Variants in ZNF628 observed in about 807,000 individuals in gnomAD.
ZNF628 encodes the protein zinc finger protein Zec.
ZNF628 carries 3 observed loss-of-function variants against 2.5 expected under a neutral mutation model. The observed-to-expected ratio is 1.19, with a 90% CI of 0.54 to 3.07. ZNF628 has a LOEUF of 3.07. Ranked by LOEUF, ZNF628 falls within the 30% of genes most tolerant of loss-of-function variation. ZNF628 has a pLI of 0.03. For synonymous variants in ZNF628, 861 were observed against 717.1 expected (o/e 1.20, Z -3.21); for missense variants, 1,610 against 1,517.1 (o/e 1.06, Z -1.02).
chr19:55,482,498 T>TGCCGCCCCCGTCCCGCC lies in ZNF628; in HGVS notation c.1309_1325dup (p.Ala446ArgfsTer202). 3 of 1,448,520 alleles carry TGCCGCCCCCGTCCCGCC rather than the reference T, an allele frequency of 2.1e-6. No individual in the cohort carries two copies. The highest frequency in any genetic ancestry group is 2.7e-6 in the Non-Finnish European group (3 of 1,104,538). The allele number at this position is 1,448,520 out of a possible 1,614,324, so 89.7% of individuals were successfully genotyped here. ...CCTGCCCCCAGGAACCGCTGGCGCCTGCCGCCCCCGTCCCGCCGCCACCCC... is the reference window on the plus strand; with the variant it reads ...CCTGCCCCCAGGAACCGCTGGCGCCTGCCGCCCCCGTCCCGCCGCCGCCCCCGTCCCGCCGCCACCCC... On this transcript the variant is annotated frameshift_variant, in exon 3 of 3. Transcript: ENST00000598519. LOFTEE classifies it low-confidence loss of function (END_TRUNC).
At position 55,481,895 on chromosome 19, in the gene ZNF628, C is replaced by T. The variant is rs756658935; in HGVS notation, c.702C>T (p.Thr234=). ...ACGGCGCCGCCCCCGCCCCGGGTAC[C>T]GCCTCCGCGGCCCCGCCCCCCCAGT... is the stretch of plus-strand genomic sequence containing the variant. The part of the protein sequence containing the change: ...RTHGAAPAPG[T]ASAAPPPQSR... The change falls in exon 3 of 3, where the codon ACC becomes ACT. Residue 234 remains threonine (T), a synonymous_variant. Coordinates refer to ENST00000598519, the MANE Select transcript of ZNF628 (RefSeq NM_033113.3). 6 of 1,495,312 alleles carry T rather than the reference C, an allele frequency of 4.0e-6. No individual in the cohort carries two copies. The highest frequency in any genetic ancestry group is 5.3e-6 in the Non-Finnish European group (6 of 1,126,564). The allele number at this position is 1,495,312 out of a possible 1,614,324, so 92.6% of individuals were successfully genotyped here.
In ZNF628 at chr19:55,484,307, T is replaced by C; in HGVS notation, c.3114T>C (p.Pro1038=). Reference sequence around the variant, plus strand: ...GAGCTGGGCCTGGTGTTATGACCCCTCAGGGCCTGCCCTCCATCCAGATTG... The same window carrying C: ...GAGCTGGGCCTGGTGTTATGACCCCCCAGGGCCTGCCCTCCATCCAGATTG... ...PAGAGPGVMT[P]QGLPSIQIVQ... The change falls in exon 3 of 3, where the codon CCT becomes CCC. Residue 1038 remains proline (P), a synonymous_variant. Coordinates refer to ENST00000598519, the MANE Select transcript of ZNF628 (RefSeq NM_033113.3). The C allele has an allele frequency of 6.6e-7, 1 of 1,508,384 alleles. No homozygotes were observed. Among genetic ancestry groups the C allele is most frequent in the East Asian group, 2.5e-5 (1 of 40,464 alleles). The allele number at this position is 1,508,384 out of a possible 1,614,324, so 93.4% of individuals were successfully genotyped here. A position where few individuals can be genotyped will look rare whatever the true frequency, so the allele number is the denominator to read the frequency against.
Position 55,481,350 on chromosome 19 carries a change from C to T in ZNF628, c.157C>T (p.His53Tyr), listed in dbSNP as rs757941160. ...ATTCCGGTGGTCGTCCCGGCTCCTG[C>T]ACCACCAGCGCACGCACACAGGCGA... ...KSFRWSSRLLHHQRTHTGERP... is the reference protein window; with the variant it reads ...KSFRWSSRLLYHQRTHTGERP... Residue 53 changes from histidine (H) to tyrosine (Y), a missense_variant, in exon 3 of 3, where the codon CAC (histidine) becomes TAC (tyrosine). His to Tyr is a moderately conservative substitution (Grantham distance 83, BLOSUM62 2). Around this residue, in one of 5 missense-constraint regions of ZNF628, gnomAD observed 166 missense variants for 241.3 expected, o/e 0.69. Coordinates refer to ENST00000598519, the MANE Select transcript of ZNF628 (RefSeq NM_033113.3). The T allele has an allele frequency of 1.2e-6, 2 of 1,612,742 alleles. No individual in the cohort carries two copies. Among genetic ancestry groups the T allele is most frequent in the Middle Eastern group, 1.7e-4 (1 of 6,060 alleles).
chr19:55,483,902 C>G lies in ZNF628; in HGVS notation c.2709C>G (p.Gly903=). Residue 903 remains glycine (G), a synonymous_variant, in exon 3 of 3, where the codon GGC becomes GGG. Transcript: ENST00000598519. ...QSGAAEELLT[G]PGPGEAGDGE... is the part of the protein sequence containing the mutation. Reference sequence around the variant, plus strand: ...GGGCAGCTGAGGAGTTGCTCACTGGCCCGGGCCCCGGGGAGGCGGGGGATG... The same window carrying G: ...GGGCAGCTGAGGAGTTGCTCACTGGGCCGGGCCCCGGGGAGGCGGGGGATG... 6.3e-7 allele frequency: 1 copy of G among 1,592,152 alleles called. No individual in the cohort carries two copies. The highest frequency in any genetic ancestry group is 8.6e-7 in the Non-Finnish European group (1 of 1,168,216).
At position 55,482,213 on chromosome 19, in the gene ZNF628, C is replaced by G. The variant is rs1599899713; in HGVS notation, c.1020C>G (p.Ser340=). ...AEAPKADQPP[S]PLPQPPPPAA... is the part of the protein sequence containing the mutation. ...CGCCCAAGGCCGACCAGCCACCGTC[C>G]CCTCTGCCGCAGCCCCCTCCTCCCG... Residue 340 remains serine (S), a synonymous_variant, in exon 3 of 3, where the codon TCC becomes TCG. Transcript: ENST00000598519. The G allele has an allele frequency of 1.4e-6, 2 of 1,474,622 alleles. No individual in the cohort carries two copies. Among genetic ancestry groups the G allele is most frequent in the Non-Finnish European group, 1.8e-6 (2 of 1,119,604 alleles). 91.3% of individuals were successfully genotyped at this position (1,474,622 alleles called of 1,614,324 possible).
chr19:55,480,118 C>T (rs947835518), intron 2 of ZNF628, among the ~76,000 whole-genome samples: 4 of 151,854 alleles, frequency 2.6e-5, no homozygotes, highest in South Asian at 2.1e-4. Flanking sequence ...TGAAAGGGCG[C>T]GCTGGATGGT....
Position 55,483,312 on chromosome 19 carries a change from C to T in ZNF628, c.2119C>T (p.Pro707Ser). ...GGCCCCGAGCTTGGGGCCAGCAGCG[C>T]CCAACTCTCAGACGTTCCTCCTGGT... ...AQAPSLGPAA[P>S]NSQTFLLVQT... The change falls in exon 3 of 3, where the codon CCC becomes TCC. Residue 707 changes from proline to serine, a missense_variant. By Grantham distance (74) the Pro-to-Ser change is moderately conservative. Transcript: ENST00000598519. 1 of 1,529,564 alleles carries T rather than the reference C, an allele frequency of 6.5e-7. No individual in the cohort carries two copies. Among genetic ancestry groups the T allele is most frequent in the Non-Finnish European group, 8.8e-7 (1 of 1,141,194 alleles). The allele number at this position is 1,529,564 out of a possible 1,614,324, so 94.7% of individuals were successfully genotyped here. A position where few individuals can be genotyped will look rare whatever the true frequency, so the allele number is the denominator to read the frequency against.
At chr19:55,478,361 G>A (rs573076055) in intron 1 of ZNF628, among the ~76,000 whole-genome samples, 11 of 152,242 alleles carry the variant, frequency 7.2e-5, no homozygotes, top group Non-Finnish European at 1.6e-4. Context: ...AAGACTCGGA[G>A]GTGAAAGAGC....
Position 55,482,523 on chromosome 19 carries a change from C to T in ZNF628, c.1330C>T (p.Pro444Ser), listed in dbSNP as rs755879471. 9.3e-6 allele frequency: 14 copies of T among 1,505,770 alleles called. No individual in the cohort carries two copies. The highest frequency in any genetic ancestry group is 1.2e-5 in the Non-Finnish European group (14 of 1,132,458). The allele number at this position is 1,505,770 out of a possible 1,614,324, so 93.3% of individuals were successfully genotyped here. ...TGCCGCCCCCGTCCCGCCGCCACCC[C>T]CGTCCGCCCCCGCTTCTGCGGAGCG... ...APAAPVPPPP[P>S]SAPASAERPY... The change falls in exon 3 of 3, where the codon CCG becomes TCG. Residue 444 changes from proline (P) to serine (S), a missense_variant. This residue lies in a region of ZNF628 where 651 missense variants were observed against 575.6 expected (regional missense o/e 1.13). Transcript: ENST00000598519.
chr19:55,483,103 T>G lies in ZNF628; in HGVS notation c.1910T>G (p.Leu637Arg). The change falls in exon 3 of 3, where the codon CTG becomes CGG. Residue 637 changes from leucine (L) to arginine (R), a missense_variant. Transcript: ENST00000598519. ...CGRGFVMAAY[L>R]QRHLRTHAPA... ...CGCGGCTTCGTTATGGCCGCCTATC[T>G]GCAGCGGCACCTGAGGACGCACGCC... The G allele has an allele frequency of 6.2e-7, 1 of 1,604,478 alleles. No homozygotes were observed. Among genetic ancestry groups the G allele is most frequent in the African/African-American group, 1.3e-5 (1 of 75,006 alleles).
rs775570789 is a variant in ZNF628, at chr19:55,481,248, G to C, written c.55G>C (p.Glu19Gln). Residue 19 changes from glutamate (E) to glutamine (Q), a missense_variant, in exon 3 of 3, where the codon GAG becomes CAG. Coordinates refer to ENST00000598519, the MANE Select transcript of ZNF628 (RefSeq NM_033113.3). ...GGACATGGCGCCGGCCTCTACTGCGGAGGGGGCCGGGGAGAAGCCAGGCCC... is the reference window on the plus strand; with the variant it reads ...GGACATGGCGCCGGCCTCTACTGCGCAGGGGGCCGGGGAGAAGCCAGGCCC... ...HADMAPASTA[E>Q]GAGEKPGPAA... 48 of 1,581,570 alleles carry C rather than the reference G, an allele frequency of 3.0e-5. No individual in the cohort carries two copies. Among genetic ancestry groups the C allele is most frequent in the Non-Finnish European group, 3.7e-5 (43 of 1,166,564 alleles).
At chr19:55,480,058 C>A in intron 2 of ZNF628, 141 bp downstream of exon 2, 1 of 394,750 alleles carries the variant, frequency 2.5e-6, no homozygotes, top group East Asian at 3.6e-5. Flanking sequence ...TGGCCACCTG[C>A]AGCGTTTGTG....
rs1986851524 is a variant in ZNF628 at position 55,484,367 on chromosome 19, G to A, written c.3174G>A (p.Thr1058=). The change falls in exon 3 of 3, where the codon ACG becomes ACA. Residue 1058 remains threonine, a synonymous_variant. Transcript: ENST00000598519. ...QTLPAVQLVH[T]F Reference sequence around the variant, plus strand: ...TACCCGCAGTCCAGCTGGTGCACACGTTTTGAGGAGAGGCAGTGATTCCCC... The same window carrying A: ...TACCCGCAGTCCAGCTGGTGCACACATTTTGAGGAGAGGCAGTGATTCCCC... The A allele has an allele frequency of 1.5e-5, 21 of 1,446,990 alleles. No homozygotes were observed. Among genetic ancestry groups the A allele is most frequent in the Non-Finnish European group, 1.8e-5 (20 of 1,096,858 alleles). The allele number at this position is 1,446,990 out of a possible 1,614,324, so 89.6% of individuals were successfully genotyped here.
In ZNF628 at chr19:55,484,347, G is replaced by C; in HGVS notation, c.3154G>C (p.Ala1052Pro). ...PSIQIVQTLP[A>P]VQLVHTF ...CATCCAGATTGTCCAGACTCTACCCGCAGTCCAGCTGGTGCACACGTTTTG... is the reference window on the plus strand; with the variant it reads ...CATCCAGATTGTCCAGACTCTACCCCCAGTCCAGCTGGTGCACACGTTTTG... The change falls in exon 3 of 3, where the codon GCA becomes CCA. Residue 1052 changes from alanine to proline, a missense_variant. Ala to Pro is a conservative substitution (Grantham distance 27, BLOSUM62 -1). Transcript: ENST00000598519. 1 of 1,460,138 alleles carries C rather than the reference G, an allele frequency of 6.8e-7. No individual in the cohort carries two copies. Among genetic ancestry groups the C allele is most frequent in the Non-Finnish European group, 9.1e-7 (1 of 1,102,314 alleles). The allele number at this position is 1,460,138 out of a possible 1,614,324, so 90.4% of individuals were successfully genotyped here.
intron 1 of ZNF628, among the ~76,000 whole-genome samples, chr19:55,478,877 G>C (rs1288812399): frequency 6.6e-6 from 1 of 152,224 alleles, no homozygotes; most frequent in African/African-American, 2.4e-5. Context: ...GAAGCTATGG[G>C]TGGAGTAGAA....
chr19:55,483,632 G>T lies in ZNF628; in HGVS notation c.2439G>T (p.Gln813His), dbSNP rs1986815991. The T allele has an allele frequency of 3.1e-6, 5 of 1,613,626 alleles. No homozygotes were observed. The highest frequency in any genetic ancestry group is 4.2e-6 in the Non-Finnish European group (5 of 1,179,836). The stretch of plus-strand genomic sequence containing the variant: ...TGGGGGGTGGGGAGGCAGGGCCACA[G>T]GAAATGAGTGGGGTGCAGCTCCAGC... ...QNVGGGEAGP[Q>H]EMSGVQLQPL... The change falls in exon 3 of 3, where the codon CAG (glutamine) becomes CAT (histidine). Residue 813 changes from glutamine (Q) to histidine (H), a missense_variant. By Grantham distance (24) the Gln-to-His change is conservative. Transcript: ENST00000598519.
rs1432073057 is a variant in ZNF628, at chr19:55,483,336, G to T, written c.2143G>T (p.Val715Leu). The T allele has an allele frequency of 6.5e-7, 1 of 1,538,838 alleles. No individual in the cohort carries two copies. The highest frequency in any genetic ancestry group is 8.7e-7 in the Non-Finnish European group (1 of 1,144,732). ...GCCCAACTCTCAGACGTTCCTCCTGGTGCAAACTGCCCAGGGCCTCCAGCT... is the reference window on the plus strand; with the variant it reads ...GCCCAACTCTCAGACGTTCCTCCTGTTGCAAACTGCCCAGGGCCTCCAGCT... ...AAPNSQTFLL[V>L]QTAQGLQLIP... The change falls in exon 3 of 3, where the codon GTG becomes TTG. Residue 715 changes from valine (V) to leucine (L), a missense_variant. Physicochemically the swap from Val to Leu is conservative, Grantham distance 32. Around this residue, in one of 5 missense-constraint regions of ZNF628, gnomAD observed 712 missense variants for 603.6 expected, o/e 1.18. Transcript: ENST00000598519.
chr19:55,484,325 C>T lies in ZNF628; in HGVS notation c.3132C>T (p.Ile1044=). The change falls in exon 3 of 3, where the codon ATC becomes ATT. Residue 1044 remains isoleucine (I), a synonymous_variant. Coordinates refer to ENST00000598519, the MANE Select transcript of ZNF628 (RefSeq NM_033113.3). The part of the protein sequence containing the change: ...GVMTPQGLPS[I]QIVQTLPAVQ... ...TGACCCCTCAGGGCCTGCCCTCCAT[C>T]CAGATTGTCCAGACTCTACCCGCAG... 6.7e-7 allele frequency: 1 copy of T among 1,483,226 alleles called. No homozygotes were observed. The highest frequency in any genetic ancestry group is 2.5e-5 in the East Asian group (1 of 40,282). The allele number at this position is 1,483,226 out of a possible 1,614,324, so 91.9% of individuals were successfully genotyped here. A position where few individuals can be genotyped will look rare whatever the true frequency, so the allele number is the denominator to read the frequency against.
chr19:55,483,158 C>A lies in ZNF628; in HGVS notation c.1965C>A (p.Ala655=), dbSNP rs1251001105. 6.4e-7 allele frequency: 1 copy of A among 1,560,372 alleles called. No individual in the cohort carries two copies. Among genetic ancestry groups the A allele is most frequent in the Non-Finnish European group, 8.6e-7 (1 of 1,160,398 alleles). ...APANTPPSTT[A]PAAGPQPPAP... ...CCAACACGCCTCCCAGCACCACAGC[C>A]CCTGCCGCCGGCCCCCAGCCCCCTG... is the stretch of plus-strand genomic sequence containing the variant. Residue 655 remains alanine, a synonymous_variant, in exon 3 of 3, where the codon GCC becomes GCA. Transcript: ENST00000598519.
Sources: gnomAD v4.1 joint callset for allele counts (sites outside exome capture counted in the v4.1 genomes callset) on GRCh38, gnomAD v4.1.1 for gene constraint, gnomAD v4.1.1 regional missense constraint, MANE v1.5 for transcripts, NCBI Gene and HGNC (gene_info 2026-07-23, HGNC 2026-07-21) for gene names.